OLFML2A: variants seen among roughly 807,000 people sequenced by gnomAD.
OLFML2A encodes olfactomedin-like protein 2A.
Under a neutral mutation model 60.9 loss-of-function variants are expected in OLFML2A, and 47 were observed. That is an observed-to-expected ratio of 0.77 (90% CI 0.61 to 0.98). The LOEUF is 0.98. Ranked by LOEUF, OLFML2A falls within the 50% of genes least tolerant of loss-of-function variation. OLFML2A has a pLI of 0.00. For synonymous variants in OLFML2A, 372 were observed against 375.0 expected (o/e 0.99, Z 0.09); for missense variants, 922 against 879.8 (o/e 1.05, Z -0.61).
intron 1 of OLFML2A, among the ~76,000 whole-genome samples, chr9:124,784,306 C>A (rs1189853833): frequency 6.6e-6 from 1 of 151,814 alleles, no homozygotes; most frequent in Non-Finnish European, 1.5e-5. Flanking sequence ...CGGGTTCAAG[C>A]GATTCTCCTG....
chr9:124,786,800 AGTT>A (rs1392838457), intron 1 of OLFML2A, among the ~76,000 whole-genome samples, 172 bp from the exon 2 acceptor site: 8 of 140,872 alleles, frequency 5.7e-5, no homozygotes, highest in East Asian at 2.1e-4. Context: ...ACACACACAG[AGTT>A]GTTATTATTA....
chr9:124,792,781 C>T (rs955378939), intron 2 of OLFML2A, among the ~76,000 whole-genome samples: 2 of 152,234 alleles, frequency 1.3e-5, no homozygotes, highest in Admixed American at 6.5e-5. Context: ...TGTGTCCACA[C>T]AGTGCTGAGC....
At chr9:124,807,451 T>G (rs538141077) in intron 6 of OLFML2A, among the ~76,000 whole-genome samples, 6 of 151,954 alleles carry the variant, frequency 3.9e-5, no homozygotes, top group South Asian at 2.1e-4. Flanking sequence ...GCCCAGCTAA[T>G]TTTTGTATTT....
chr9:124,801,588 GC>G lies in OLFML2A; in HGVS notation c.847del (p.Gln283SerfsTer5), dbSNP rs1166351377. The G allele has an allele frequency of 1.2e-6, 2 of 1,613,876 alleles. No individual in the cohort carries two copies. The highest frequency in any genetic ancestry group is 2.7e-5 in the African/African-American group (2 of 74,910). On this transcript the variant is annotated frameshift_variant, in exon 5 of 8. Transcript: ENST00000373580. LOFTEE classifies it high-confidence loss of function. ...GCCCACAGCCAAGCCCCGCGCCCTG[GC>G]CCAGCAGCAGGCTGTGATCCGGGGC... The part of the protein sequence containing the change: ...LQPTAKPRAL[A>X]QQQAVIRGFT...
chr9:124,791,737 C>CAAAAAAAAAA (rs10553820), intron 2 of OLFML2A, among the ~76,000 whole-genome samples: 13 of 74,894 alleles, frequency 1.7e-4, no homozygotes, highest in Non-Finnish European at 2.0e-4. Context: ...GACTCTGTCT[C>CAAAAAAAAAA]AAAAAAAAAA....
At position 124,793,347 on chromosome 9, in the gene OLFML2A, AG is replaced by A. The variant is rs149974970; in HGVS notation, c.355-1674del. Reference sequence around the variant, plus strand: ...AGAGGAGAGGGAGAGGGGGAGCTGTAGGGCAGAGCCCTGGGCTGGGCAAGGG... The same window carrying A: ...AGAGGAGAGGGAGAGGGGGAGCTGTAGGCAGAGCCCTGGGCTGGGCAAGGG... On this transcript the variant is annotated intron_variant, in intron 2 of 7. Transcript: ENST00000373580. Among the ~76,000 whole-genome samples the A allele has an allele frequency of 4.1e-3, 628 of 152,306 alleles. 4 individuals are homozygous for A. Among genetic ancestry groups the A allele is most frequent in the African/African-American group, 0.014 (575 of 41,582 alleles).
At position 124,807,920 on chromosome 9, in the gene OLFML2A, T is replaced by C. The variant is rs1425030880; in HGVS notation, c.1308T>C (p.Tyr436=). Residue 436 remains tyrosine (Y), a synonymous_variant, in exon 7 of 8, where the codon TAT becomes TAC. Coordinates refer to ENST00000373580, the MANE Select transcript of OLFML2A (RefSeq NM_182487.4). ...GGATCTATGTCACCAACTACTACTA[T>C]GGAAACAGCCTGGTGGAGTTCCGCA... is the stretch of plus-strand genomic sequence containing the variant. The part of the protein sequence containing the change: ...DDRIYVTNYY[Y]GNSLVEFRNL... 9 of 1,614,134 alleles carry C rather than the reference T, an allele frequency of 5.6e-6. No homozygotes were observed. The Admixed American group carries it at 8.3e-5, about 15-fold the overall frequency.
rs1232411267 is a variant in OLFML2A at position 124,801,789 on chromosome 9, C to G, written c.919+126C>G. ...ACCCATTGATTACCTGTTGGGTGCC[C>G]TCTGCTCATTCACATATGAGGATAA... On this transcript the variant is annotated intron_variant, in intron 5 of 7. Coordinates refer to ENST00000373580, the MANE Select transcript of OLFML2A (RefSeq NM_182487.4). The G allele has an allele frequency of 9.3e-6, 10 of 1,072,516 alleles. No individual in the cohort carries two copies. In the East Asian group the frequency reaches 2.6e-4, roughly 28 times the overall value. The allele number at this position is 1,072,516 out of a possible 1,614,324, so 66.4% of individuals were successfully genotyped here.
Position 124,807,979 on chromosome 9 carries a change from C to T in OLFML2A, c.1354+13C>T, listed in dbSNP as rs199635561. The T allele has an allele frequency of 5.9e-5, 95 of 1,610,068 alleles. No individual in the cohort carries two copies. Among genetic ancestry groups the T allele is most frequent in the African/African-American group, 5.7e-4 (43 of 74,950 alleles). ...AACTTCAAGCAAGGTCAGGGACCCC[C>T]GGAGGTGGAGAGGGGGCTGGGTATG... On this transcript the variant is annotated intron_variant, in intron 7 of 7. Transcript: ENST00000373580.
At position 124,810,376 on chromosome 9, in the gene OLFML2A, C is replaced by A; in HGVS notation, c.1923C>A (p.Gly641=). ...GGGTGCTGTACGCCTGGGACAATGG[C>A]CACCAGCTCACCTACACCCTCCACT... The part of the protein sequence containing the change: ...KERVLYAWDN[G]HQLTYTLHFV... The change falls in exon 8 of 8, where the codon GGC becomes GGA. Residue 641 remains glycine, a synonymous_variant. Coordinates refer to ENST00000373580, the MANE Select transcript of OLFML2A (RefSeq NM_182487.4). The A allele has an allele frequency of 1.2e-6, 2 of 1,600,486 alleles. No homozygotes were observed. Among genetic ancestry groups the A allele is most frequent in the Non-Finnish European group, 1.7e-6 (2 of 1,179,376 alleles).
chr9:124,810,014 A>G lies in OLFML2A; in HGVS notation c.1561A>G (p.Ile521Val), dbSNP rs1841974569. The G allele has an allele frequency of 6.2e-7, 1 of 1,613,914 alleles. No individual in the cohort carries two copies. The highest frequency in any genetic ancestry group is 1.1e-5 in the South Asian group (1 of 91,082). Residue 521 changes from isoleucine (I) to valine (V), a missense_variant, in exon 8 of 8, where the codon ATT (isoleucine) becomes GTT (valine). Physicochemically the swap from Ile to Val is conservative, Grantham distance 29. Coordinates refer to ENST00000373580, the MANE Select transcript of OLFML2A (RefSeq NM_182487.4). ...TTGGAAGTGGCGCGGACACTCGGAC[A>G]TTGACTTTGCCGTGGACGAGAGCGG... is the stretch of plus-strand genomic sequence containing the variant. ...TPWKWRGHSD[I>V]DFAVDESGLW... is the part of the protein sequence containing the mutation.
intron 1 of OLFML2A, 91 bp from the exon 2 acceptor site, chr9:124,786,884 G>A: frequency 2.2e-6 from 3 of 1,382,972 alleles, no homozygotes; most frequent in Non-Finnish European, 3.0e-6. Context: ...AAGGCTGGCT[G>A]GCCAGCTGGC....
chr9:124,801,184 G>A, intron 4 of OLFML2A: 5 of 1,004,188 alleles, frequency 5.0e-6, no homozygotes, highest in Non-Finnish European at 7.3e-6. Context: ...CTATCAGGTT[G>A]GACTTCAAGC....
chr9:124,807,703 A>G lies in OLFML2A; in HGVS notation c.1169-78A>G, dbSNP rs922808193. The G allele has an allele frequency of 5.1e-6, 6 of 1,181,172 alleles. No individual in the cohort carries two copies. The African/African-American group carries it at 7.7e-5, about 15-fold the overall frequency. The allele number at this position is 1,181,172 out of a possible 1,614,324, so 73.2% of individuals were successfully genotyped here. On this transcript the variant is annotated intron_variant, in intron 6 of 7. Coordinates refer to ENST00000373580, the MANE Select transcript of OLFML2A (RefSeq NM_182487.4). ...CAGGAGAGATTTAAGTTAGACCCAG[A>G]TAACATTCCCAGCCCGTTGCTCTGG...
intron 1 of OLFML2A, among the ~76,000 whole-genome samples, chr9:124,786,173 A>C (rs1319078398): frequency 6.6e-6 from 1 of 152,218 alleles, no homozygotes; most frequent in Non-Finnish European, 1.5e-5. Context: ...CTGTAATCCT[A>C]GCACTTTGGG....
intron 3 of OLFML2A, among the ~76,000 whole-genome samples, chr9:124,797,162 G>A (rs1289353625): frequency 6.6e-6 from 1 of 152,100 alleles, no homozygotes; most frequent in Non-Finnish European, 1.5e-5. Context: ...TGTGTTTTTT[G>A]TAGAGATGGG....
In OLFML2A at chr9:124,784,943, G is replaced by GTT. The variant is rs750733365; in HGVS notation, c.91-2005_91-2004dup. ...AATCAGTACTGCATTCCTTTTACTT[G>GTT]TTTTTTTTTTTTTTTTTTTTTTTTT... is the stretch of plus-strand genomic sequence containing the variant. On this transcript the variant is annotated intron_variant, in intron 1 of 7. Coordinates refer to ENST00000373580, the MANE Select transcript of OLFML2A (RefSeq NM_182487.4). Among the ~76,000 whole-genome samples, 27 of 69,592 alleles carry GTT rather than the reference G, an allele frequency of 3.9e-4. 2 individuals carry two copies. Among genetic ancestry groups the GTT allele is most frequent in the Non-Finnish European group, 4.8e-4 (19 of 39,270 alleles). The allele number at this position is 69,592 out of a possible 152,430, so 45.7% of individuals were successfully genotyped here.
At chr9:124,793,873 T>C (rs749626908) in intron 2 of OLFML2A, among the ~76,000 whole-genome samples, 27 of 152,284 alleles carry the variant, frequency 1.8e-4, no homozygotes, top group Non-Finnish European at 3.4e-4. Flanking sequence ...ATCCCATCTC[T>C]ACAAAACATA....
rs750733365 is a variant in OLFML2A, at chr9:124,784,943, G to GTTTTT, written c.91-2008_91-2004dup. 4.3e-3 allele frequency among the ~76,000 whole-genome samples: 299 copies of GTTTTT among 69,570 alleles called. 83 individuals carry two copies. The highest frequency in any genetic ancestry group is 0.018 in the East Asian group (38 of 2,082). The allele number at this position is 69,570 out of a possible 152,430, so 45.6% of individuals were successfully genotyped here. ...AATCAGTACTGCATTCCTTTTACTTGTTTTTTTTTTTTTTTTTTTTTTTTT... is the reference window on the plus strand; with the variant it reads ...AATCAGTACTGCATTCCTTTTACTTGTTTTTTTTTTTTTTTTTTTTTTTTTTTTTT... On this transcript the variant is annotated intron_variant, in intron 1 of 7. Transcript: ENST00000373580.
Sources: allele counts gnomAD v4.1 joint callset (sites outside exome capture counted in the v4.1 genomes callset), GRCh38; gene constraint gnomAD v4.1.1; transcripts MANE v1.5; gene names NCBI Gene and HGNC (gene_info 2026-07-23, HGNC 2026-07-21).